The following ROBO2 variants were observed in gnomAD, a reference collection of about 807,000 sequenced individuals.
ROBO2 encodes roundabout homolog 2.
In ROBO2, 53 loss-of-function variants were observed where a neutral mutation model predicts 160.8. The observed-to-expected ratio is 0.33, with a 90% CI of 0.26 to 0.41. The LOEUF is 0.41. Ranked by LOEUF, ROBO2 falls within the 10% of genes least tolerant of loss-of-function variation. ROBO2 has a pLI of 1.00. For missense variants in ROBO2, 1,577 were observed against 1,722.4 expected, an observed-to-expected ratio of 0.92 and a Z score of 1.49; for synonymous variants, 664 against 611.7, an observed-to-expected ratio of 1.09 and a Z score of -1.26.
At chr3:76,647,080 G>C (rs2091007233) in intron 2 of ROBO2, among the ~76,000 whole-genome samples, 1 of 152,178 alleles carries the variant, frequency 6.6e-6, no homozygotes, top group South Asian at 2.1e-4. Context: ...CTATGACGCA[G>C]AGAACTCAGA....
chr3:77,347,710 C>T (rs2067825175), intron 2 of ROBO2, among the ~76,000 whole-genome samples: 1 of 152,034 alleles, frequency 6.6e-6, no homozygotes, highest in Non-Finnish European at 1.5e-5. Flanking sequence ...GGATTTGACA[C>T]AGATGGTCAC....
intron 2 of ROBO2, among the ~76,000 whole-genome samples, chr3:76,432,533 T>C (rs2076481769): frequency 6.6e-6 from 1 of 152,118 alleles, no homozygotes; most frequent in Non-Finnish European, 1.5e-5. Flanking sequence ...GATAGCTTAT[T>C]CATATGGCTA....
intron 2 of ROBO2, among the ~76,000 whole-genome samples, chr3:76,543,953 A>C (rs1400299844): frequency 1.3e-5 from 2 of 152,052 alleles, no homozygotes; most frequent in Non-Finnish European, 2.9e-5. Context: ...TGCTAGAATA[A>C]TCCTTGGTGA....
rs564608209 is a variant in ROBO2 at position 76,893,278 on chromosome 3, GA to G, written c.110-204726del. ...ACAGCAAGAATGAGGGATAAAACAAGAAAAAAAAAACAAATTTAGAACTTTT... is the reference window on the plus strand; with the variant it reads ...ACAGCAAGAATGAGGGATAAAACAAGAAAAAAAAACAAATTTAGAACTTTT... On this transcript the variant is annotated intron_variant, in intron 2 of 26. Coordinates refer to the ROBO2 transcript ENST00000487694. 3.2e-3 allele frequency among the ~76,000 whole-genome samples: 457 copies of G among 141,404 alleles called. 2 individuals carry two copies. The highest frequency in any genetic ancestry group is 0.01 in the African/African-American group (399 of 38,526). The allele number at this position is 141,404 out of a possible 152,430, so 92.8% of individuals were successfully genotyped here.
In ROBO2 at chr3:76,435,160, G is replaced by C. The variant is rs79456689; in HGVS notation, c.109+497558G>C. On this transcript the variant is annotated intron_variant, in intron 2 of 26. Coordinates refer to the ROBO2 transcript ENST00000487694. ...GGTCTGGTATTTGATGACATGGTGG[G>C]CATTGTGGAGATAATCAACAGTAGG... The C allele has an allele frequency of 5.3e-3, 5,316 of 996,594 alleles. 26 individuals carry two copies. Among genetic ancestry groups the C allele is most frequent in the Non-Finnish European group, 7.5e-3 (4,658 of 617,058 alleles). 61.7% of individuals were successfully genotyped at this position (996,594 alleles called of 1,614,324 possible).
At chr3:76,162,614 A>G (rs1486635499) in intron 2 of ROBO2, among the ~76,000 whole-genome samples, 1 of 152,078 alleles carries the variant, frequency 6.6e-6, no homozygotes, top group African/African-American at 2.4e-5. Context: ...GGACCAGACT[A>G]TTTTGTTTTA....
chr3:75,968,649 A>G lies in ROBO2; in HGVS notation c.109+31047A>G, dbSNP rs138560526. 3.6e-3 allele frequency among the ~76,000 whole-genome samples: 540 copies of G among 151,680 alleles called. 3 individuals carry two copies. The highest frequency in any genetic ancestry group is 0.011 in the African/African-American group (474 of 41,482). ...TTCAGTACAGAATACAATATTATTA[A>G]CTATTGGTAACATACTATACTTTAG... is the stretch of plus-strand genomic sequence containing the variant. On this transcript the variant is annotated intron_variant, in intron 2 of 26. Transcript: ENST00000487694.
At chr3:77,340,640 T>C (rs1368721624) in intron 2 of ROBO2, among the ~76,000 whole-genome samples, 4 of 152,122 alleles carry the variant, frequency 2.6e-5, no homozygotes, top group Non-Finnish European at 5.9e-5. Context: ...GTTTGAGTTG[T>C]ACGTATTCAT....
chr3:77,591,332 A>C (rs1305143090), intron 17 of ROBO2, among the ~76,000 whole-genome samples: 1 of 152,176 alleles, frequency 6.6e-6, no homozygotes, highest in Non-Finnish European at 1.5e-5. Flanking sequence ...TTGGAGTAGG[A>C]AAATGTGACC....
At chr3:76,039,039 A>G (rs2067203124) in intron 2 of ROBO2, among the ~76,000 whole-genome samples, 1 of 151,960 alleles carries the variant, frequency 6.6e-6, no homozygotes, top group Non-Finnish European at 1.5e-5. Flanking sequence ...AAGGAAACAC[A>G]AAATCAGGAA....
chr3:76,544,150 C>T (rs906038082), intron 2 of ROBO2, among the ~76,000 whole-genome samples: 5 of 152,038 alleles, frequency 3.3e-5, no homozygotes, highest in Non-Finnish European at 2.9e-5. Context: ...GAAATATGCT[C>T]AGTTTCTTCA....
intron 2 of ROBO2, among the ~76,000 whole-genome samples, chr3:76,865,205 G>A (rs1439592093): frequency 6.6e-6 from 1 of 151,918 alleles, no homozygotes; most frequent in East Asian, 1.9e-4. Context: ...CATTGGTGAA[G>A]CATTATGTTT....
chr3:76,229,335 A>C (rs143460992), intron 2 of ROBO2, among the ~76,000 whole-genome samples: 1 of 152,130 alleles, frequency 6.6e-6, no homozygotes, highest in Non-Finnish European at 1.5e-5. Flanking sequence ...TCTCTATCCA[A>C]TGAAACTAGA....
intron 2 of ROBO2, among the ~76,000 whole-genome samples, chr3:76,201,744 A>C (rs1321412944): frequency 6.6e-6 from 1 of 152,076 alleles, no homozygotes; most frequent in Non-Finnish European, 1.5e-5. Context: ...TACAGCTTGA[A>C]GTTTGCTGGG....
intron 2 of ROBO2, among the ~76,000 whole-genome samples, chr3:77,310,942 G>A (rs867786584): frequency 2.6e-5 from 4 of 151,940 alleles, no homozygotes; most frequent in Admixed American, 2.6e-4. Context: ...AATGTAATAT[G>A]AGCACTCATG....
intron 2 of ROBO2, among the ~76,000 whole-genome samples, chr3:76,699,134 A>C (rs569226759): frequency 6.6e-6 from 1 of 152,334 alleles, no homozygotes; most frequent in Non-Finnish European, 1.5e-5. Context: ...ACTGAAAAGT[A>C]TAAGGACTTT....
At chr3:76,887,405 A>G (rs1249709918) in intron 2 of ROBO2, among the ~76,000 whole-genome samples, 1 of 152,058 alleles carries the variant, frequency 6.6e-6, no homozygotes, top group Non-Finnish European at 1.5e-5. Context: ...ATAATAAAAT[A>G]AAGCAAAAAC....
intron 2 of ROBO2, among the ~76,000 whole-genome samples, chr3:77,439,461 G>A (rs1482462696): frequency 6.6e-6 from 1 of 151,872 alleles, no homozygotes; most frequent in African/African-American, 2.4e-5. Flanking sequence ...ATATGAATTA[G>A]AAATTATGAT....
intron 1 of ROBO2, among the ~76,000 whole-genome samples, chr3:77,055,309 C>CTGG (rs1427767652): frequency 6.6e-6 from 1 of 152,090 alleles, no homozygotes; most frequent in Non-Finnish European, 1.5e-5. Flanking sequence ...ATCCATTCTA[C>CTGG]TGGTCTAGTG....
Sources: allele counts gnomAD v4.1 joint callset (sites outside exome capture counted in the v4.1 genomes callset), GRCh38; gene constraint gnomAD v4.1.1; transcripts MANE v1.5; gene names NCBI Gene and HGNC (gene_info 2026-07-23, HGNC 2026-07-21).